Variants in ADGRV1 observed in about 807,000 individuals in gnomAD.
The protein encoded by ADGRV1 is adhesion G protein-coupled receptor V1.
ADGRV1 carries 359 observed loss-of-function variants against 596.2 expected under a neutral mutation model. The observed-to-expected ratio is 0.60, with a 90% CI of 0.55 to 0.66. ADGRV1 has a LOEUF of 0.66. ADGRV1 is among the 30% of genes least tolerant of loss of function. The pLI is 0.00. For missense variants in ADGRV1, 7,274 were observed against 7,575.6 expected, an observed-to-expected ratio of 0.96 and a Z score of 1.48; for synonymous variants, 2,681 against 2,679.2, an observed-to-expected ratio of 1.00 and a Z score of -0.02.
At chr5:91,116,102 A>C (rs899296041) in intron 87 of ADGRV1, among the ~76,000 whole-genome samples, 4 of 152,218 alleles carry the variant, frequency 2.6e-5, no homozygotes, top group African/African-American at 9.6e-5. Flanking sequence ...AAAAAAATAT[A>C]AAGAGCATGA....
chr5:90,743,080 C>T (rs1234643508), intron 50 of ADGRV1, among the ~76,000 whole-genome samples: 2 of 152,138 alleles, frequency 1.3e-5, no homozygotes, highest in Non-Finnish European at 2.9e-5. Context: ...TCCGTGAGTA[C>T]AGAAGGTCAT....
intron 83 of ADGRV1, among the ~76,000 whole-genome samples, chr5:90,927,380 A>C (rs1774612241): frequency 6.6e-6 from 1 of 152,114 alleles, no homozygotes; most frequent in African/African-American, 2.4e-5. Context: ...TCCCTTTACC[A>C]TTATGTAATG....
chr5:91,108,067 C>G (rs760887796), intron 87 of ADGRV1, among the ~76,000 whole-genome samples: 67 of 152,188 alleles, frequency 4.4e-4, no homozygotes, highest in Non-Finnish European at 3.4e-4. Context: ...ATTTGTACTA[C>G]TGTTGGTTGT....
At chr5:90,851,984 G>T (rs941929756) in intron 79 of ADGRV1, among the ~76,000 whole-genome samples, 4 of 152,194 alleles carry the variant, frequency 2.6e-5, no homozygotes, top group Admixed American at 2.0e-4. Flanking sequence ...CAGGGTGTCT[G>T]CAGTGACACC....
At chr5:91,160,126 A>G (rs572384718) in intron 89 of ADGRV1, among the ~76,000 whole-genome samples, 1 of 152,314 alleles carries the variant, frequency 6.6e-6, no homozygotes, top group African/African-American at 2.4e-5. Context: ...CCTAGAAATG[A>G]TTTATTTTTC....
At chr5:91,107,546 T>G (rs1274482053) in intron 87 of ADGRV1, among the ~76,000 whole-genome samples, 3 of 152,202 alleles carry the variant, frequency 2.0e-5, no homozygotes, top group African/African-American at 7.2e-5. Context: ...GGCATTTGCA[T>G]GTAATGCCCT....
At chr5:90,918,965 C>A (rs1263863985) in intron 83 of ADGRV1, among the ~76,000 whole-genome samples, 1 of 152,116 alleles carries the variant, frequency 6.6e-6, no homozygotes, top group Non-Finnish European at 1.5e-5. Flanking sequence ...CCTGCCCTAC[C>A]CTGCCTGATG....
At position 90,662,187 on chromosome 5, in the gene ADGRV1, C is replaced by CTTTTTTTTTTTTTTTTTTTTTT. The variant is rs5869513; in HGVS notation, c.4752+3929_4752+3930insTTTTTTTTTTTTTTTTTTTTTT. 2.3e-5 allele frequency among the ~76,000 whole-genome samples: 3 copies of CTTTTTTTTTTTTTTTTTTTTTT among 130,868 alleles called. 1 individual carries two copies. Among genetic ancestry groups the CTTTTTTTTTTTTTTTTTTTTTT allele is most frequent in the Admixed American group, 1.6e-4 (2 of 12,684 alleles). The allele number at this position is 130,868 out of a possible 152,430, so 85.9% of individuals were successfully genotyped here. A position where few individuals can be genotyped will look rare whatever the true frequency, so the allele number is the denominator to read the frequency against. On this transcript the variant is annotated intron_variant, in intron 21 of 89. Transcript: ENST00000405460. ...TGTTTAATCATTTTTGGTTAAACAA[C>CTTTTTTTTTTTTTTTTTTTTTT]TTTTTTTTTTTTTTTTTTTTGAGAC... is the stretch of plus-strand genomic sequence containing the variant.
intron 83 of ADGRV1, among the ~76,000 whole-genome samples, chr5:90,880,284 T>C (rs895537981): frequency 6.6e-6 from 1 of 152,208 alleles, no homozygotes; most frequent in Non-Finnish European, 1.5e-5. Flanking sequence ...ATAAAAAATG[T>C]GTGTATAAAT....
At chr5:90,703,152 T>A (rs1437051976) in intron 34 of ADGRV1, among the ~76,000 whole-genome samples, 1 of 152,116 alleles carries the variant, frequency 6.6e-6, no homozygotes, top group Admixed American at 6.5e-5. Flanking sequence ...TTCCTTTGTA[T>A]TTCTTTTTAT....
At chr5:91,028,692 A>G (rs992242101) in intron 85 of ADGRV1, among the ~76,000 whole-genome samples, 4 of 148,614 alleles carry the variant, frequency 2.7e-5, no homozygotes, top group Non-Finnish European at 5.9e-5. Context: ...ATGACACCCA[A>G]CATGTCTGAG....
intron 50 of ADGRV1, among the ~76,000 whole-genome samples, chr5:90,731,207 G>A (rs751213575): frequency 2.6e-5 from 4 of 152,180 alleles, no homozygotes; most frequent in Non-Finnish European, 5.9e-5. Context: ...AGTCATGGCA[G>A]AAGGGTGAAG....
At chr5:90,772,272 G>A (rs1757776036) in intron 59 of ADGRV1, among the ~76,000 whole-genome samples, 1 of 152,114 alleles carries the variant, frequency 6.6e-6, no homozygotes, top group Non-Finnish European at 1.5e-5. Flanking sequence ...AGAAAGTGTT[G>A]GAGAATTTGA....
intron 84 of ADGRV1, among the ~76,000 whole-genome samples, chr5:90,971,165 AAAGAAACAAAGACTCC>A (rs1778939451): frequency 6.6e-6 from 1 of 152,190 alleles, no homozygotes; most frequent in Non-Finnish European, 1.5e-5. Flanking sequence ...AAAAGAGTAA[AAAGAAACAAAGACTCC>A]AAGAAACATG....
At chr5:91,097,910 G>A (rs1251360827) in intron 86 of ADGRV1, among the ~76,000 whole-genome samples, 2 of 152,014 alleles carry the variant, frequency 1.3e-5, no homozygotes, top group African/African-American at 2.4e-5. Context: ...CAAATGGATT[G>A]AATGGGTATT....
intron 85 of ADGRV1, among the ~76,000 whole-genome samples, chr5:91,047,542 G>A (rs1398086867): frequency 6.6e-6 from 1 of 152,122 alleles, no homozygotes; most frequent in African/African-American, 2.4e-5. Context: ...TCTTCTGCCT[G>A]CTTTTATTCT....
chr5:90,715,654 TC>T (rs1246435462), intron 42 of ADGRV1, among the ~76,000 whole-genome samples: 10 of 75,364 alleles, frequency 1.3e-4, no homozygotes, highest in African/African-American at 8.0e-4. Flanking sequence ...GGTCTACTTT[TC>T]TTTTTTTTTT....
intron 17 of ADGRV1, among the ~76,000 whole-genome samples, chr5:90,649,422 G>A (rs759269254): frequency 3.9e-5 from 6 of 152,218 alleles, no homozygotes; most frequent in East Asian, 3.9e-4. Flanking sequence ...GGAAAAAAAC[G>A]CCAATATGGT....
chr5:90,928,783 A>G (rs967539201), intron 83 of ADGRV1, among the ~76,000 whole-genome samples: 2 of 151,522 alleles, frequency 1.3e-5, no homozygotes, highest in African/African-American at 2.4e-5. Flanking sequence ...TTGGTCTTTG[A>G]TAATAGTGAT....
Sources: gnomAD v4.1 joint callset for allele counts (sites outside exome capture counted in the v4.1 genomes callset) on GRCh38, gnomAD v4.1.1 for gene constraint, MANE v1.5 for transcripts, NCBI Gene and HGNC (gene_info 2026-07-23, HGNC 2026-07-21) for gene names.